The following DLG2 variants were observed in gnomAD, a reference collection of about 807,000 sequenced individuals.
DLG2 encodes disks large homolog 2.
Under a neutral mutation model 132.5 loss-of-function variants are expected in DLG2, and 45 were observed. The ratio of observed to expected loss-of-function variants is 0.34; its 90% CI spans 0.27 to 0.44. The LOEUF (loss-of-function observed/expected upper bound fraction) is 0.44, where lower values mean the gene tolerates loss of function less well. Ranked by LOEUF, DLG2 falls within the 20% of genes least tolerant of loss-of-function variation. DLG2 has a pLI of 1.00. For missense variants in DLG2, 1,045 were observed against 1,196.9 expected, an observed-to-expected ratio of 0.87 and a Z score of 1.87; for synonymous variants, 424 against 419.6, an observed-to-expected ratio of 1.01 and a Z score of -0.13.
rs190804116 is a variant in DLG2 at position 83,731,371 on chromosome 11, A to C, written c.1825+55319T>G. Among the ~76,000 whole-genome samples the C allele has an allele frequency of 1.5e-3, 233 of 152,218 alleles. 2 individuals carry two copies. Among genetic ancestry groups the C allele is most frequent in the African/African-American group, 5.2e-3 (217 of 41,504 alleles). On this transcript the variant is annotated intron_variant, in intron 18 of 27. Transcript: ENST00000376104. The stretch of plus-strand genomic sequence containing the variant: ...TCTTGTTGTATAGGTCCCACTTATG[A>C]GTGAGAACACGTAGTGTTTAATTTT...
intron 5 of DLG2, among the ~76,000 whole-genome samples, chr11:85,127,577 C>G (rs1203111074): frequency 6.6e-6 from 1 of 152,118 alleles, no homozygotes; most frequent in Non-Finnish European, 1.5e-5. Context: ...CCACACCTTT[C>G]AACATGTCAA....
intron 21 of DLG2, among the ~76,000 whole-genome samples, chr11:83,530,760 A>G (rs569736904): frequency 1.3e-4 from 20 of 152,156 alleles, no homozygotes; most frequent in Non-Finnish European, 2.4e-4. Context: ...AAGCAAGGAA[A>G]AAAGGCATCC....
At chr11:84,613,176 G>A (rs1411339901) in intron 6 of DLG2, among the ~76,000 whole-genome samples, 1 of 152,050 alleles carries the variant, frequency 6.6e-6, no homozygotes, top group Non-Finnish European at 1.5e-5. Context: ...CTCTCTTGAG[G>A]AACTAAGACT....
rs2079449483 is a variant in DLG2, at chr11:84,834,458, A to G, written c.357+277203T>C. Among the ~76,000 whole-genome samples the G allele has an allele frequency of 2.6e-5, 4 of 151,582 alleles. No individual in the cohort carries two copies. The Admixed American group carries it at 2.6e-4, about 10-fold the overall frequency. The stretch of plus-strand genomic sequence containing the variant: ...AAATTCCTTGAAATTTTATTTGCCT[A>G]TTGAACAACCTCTGCAAATCCCTCC... On this transcript the variant is annotated intron_variant, in intron 6 of 27. Coordinates refer to ENST00000376104, the MANE Select transcript of DLG2 (RefSeq NM_001142699.3).
In DLG2 at chr11:85,394,798, C is replaced by G. The variant is rs151034736; in HGVS notation, c.41-109433G>C. 2.1e-3 allele frequency among the ~76,000 whole-genome samples: 318 copies of G among 152,224 alleles called. 1 individual carries two copies. The highest frequency in any genetic ancestry group is 7.5e-3 in the African/African-American group (312 of 41,550). ...CTGCCATGTTGACTTCTGGTTAGCC[C>G]CAACACCATGAATGCCTCCTAATTC... On this transcript the variant is annotated intron_variant, in intron 3 of 27. Transcript: ENST00000376104.
chr11:84,138,260 A>G (rs137864553), intron 9 of DLG2, among the ~76,000 whole-genome samples: 1 of 152,332 alleles, frequency 6.6e-6, no homozygotes, highest in East Asian at 1.9e-4. Context: ...GATGGATTTA[A>G]CAACAAAGAT....
intron 7 of DLG2, among the ~76,000 whole-genome samples, chr11:84,324,874 C>T (rs1006733310): frequency 6.6e-6 from 1 of 151,886 alleles, no homozygotes; most frequent in African/African-American, 2.4e-5. Flanking sequence ...ATTTTGTATC[C>T]TATAATTTTG....
At chr11:84,263,555 T>C (rs548931382) in intron 7 of DLG2, among the ~76,000 whole-genome samples, 30 of 152,266 alleles carry the variant, frequency 2.0e-4, no homozygotes, top group East Asian at 1.2e-3. Context: ...TTCTCTTCTA[T>C]ATAAAGAGTA....
chr11:85,463,803 T>C (rs1405547392), intron 3 of DLG2, among the ~76,000 whole-genome samples: 2 of 151,882 alleles, frequency 1.3e-5, no homozygotes, highest in Non-Finnish European at 2.9e-5. Context: ...CCTCGTCAGA[T>C]ATTGGTATTG....
At chr11:85,006,560 A>T (rs1017981079) in intron 6 of DLG2, among the ~76,000 whole-genome samples, 3 of 152,164 alleles carry the variant, frequency 2.0e-5, no homozygotes, top group African/African-American at 7.2e-5. Flanking sequence ...TTTCTGTGAG[A>T]TCAGTGGTGA....
At chr11:83,605,242 G>C (rs570221175) in intron 19 of DLG2, among the ~76,000 whole-genome samples, 24 of 152,282 alleles carry the variant, frequency 1.6e-4, no homozygotes, top group Middle Eastern at 6.8e-3. Context: ...CCTTATCTAA[G>C]TCTTTGGATG....
intron 7 of DLG2, among the ~76,000 whole-genome samples, chr11:84,300,933 A>C (rs893309085): frequency 5.3e-5 from 8 of 152,176 alleles, no homozygotes; most frequent in Admixed American, 5.2e-4. Context: ...GCCAATAATC[A>C]GTCTCTCTTA....
intron 7 of DLG2, among the ~76,000 whole-genome samples, chr11:84,293,705 T>A (rs1016658591): frequency 6.6e-6 from 1 of 152,132 alleles, no homozygotes; most frequent in African/African-American, 2.4e-5. Context: ...AATAAAGATA[T>A]CATAAAGGCT....
At chr11:84,353,449 C>T (rs1432717063) in intron 7 of DLG2, among the ~76,000 whole-genome samples, 2 of 152,122 alleles carry the variant, frequency 1.3e-5, no homozygotes, top group East Asian at 3.9e-4. Context: ...CTCATCTCCA[C>T]ACATGCATCA....
At chr11:84,732,787 T>TCC (rs1169473910) in intron 6 of DLG2, among the ~76,000 whole-genome samples, 3 of 145,708 alleles carry the variant, frequency 2.1e-5, no homozygotes, top group African/African-American at 7.5e-5. Flanking sequence ...ATGCTATCCC[T>TCC]CCCCCCACCC....
intron 9 of DLG2, among the ~76,000 whole-genome samples, chr11:84,109,368 G>A (rs991786969): frequency 3.3e-5 from 5 of 152,178 alleles, no homozygotes; most frequent in Non-Finnish European, 7.3e-5. Context: ...GGTTATCTGA[G>A]TAAGGAGCGA....
intron 3 of DLG2, among the ~76,000 whole-genome samples, chr11:85,545,696 T>C (rs901972301): frequency 5.3e-5 from 8 of 152,212 alleles, no homozygotes; most frequent in Non-Finnish European, 1.0e-4. Flanking sequence ...GGGATTCAAC[T>C]TCTTCCTGGT....
chr11:85,191,771 C>G (rs1172132801), intron 4 of DLG2, among the ~76,000 whole-genome samples: 1 of 152,116 alleles, frequency 6.6e-6, no homozygotes, highest in East Asian at 1.9e-4. Flanking sequence ...CATTGATGGG[C>G]AGGCAGACAT....
intron 18 of DLG2, among the ~76,000 whole-genome samples, chr11:83,635,820 T>C (rs1469611280): frequency 6.6e-6 from 1 of 152,192 alleles, no homozygotes; most frequent in Non-Finnish European, 1.5e-5. Flanking sequence ...AGCTTTTTGC[T>C]ATCACAAACA....
Sources: allele counts gnomAD v4.1 joint callset (sites outside exome capture counted in the v4.1 genomes callset), GRCh38; gene constraint gnomAD v4.1.1; transcripts MANE v1.5; gene names NCBI Gene and HGNC (gene_info 2026-07-23, HGNC 2026-07-21).